CCDC83: variants seen among roughly 807,000 people sequenced by gnomAD.
CCDC83 encodes the protein coiled-coil domain containing 83, also known as coiled-coil domain-containing protein 83.
Under a neutral mutation model 50.1 loss-of-function variants are expected in CCDC83, and 54 were observed. That is an observed-to-expected ratio of 1.08 (90% CI 0.87 to 1.35). The LOEUF is 1.35. Among genes scored for constraint, CCDC83 ranks in the 40% most tolerant of loss-of-function variants. The pLI is 0.00. For synonymous variants in CCDC83, 161 were observed against 153.3 expected, an observed-to-expected ratio of 1.05 and a Z score of -0.37; for missense variants, 518 against 473.9, an observed-to-expected ratio of 1.09 and a Z score of -0.86.
At chr11:85,884,799 G>A (rs1008898070) in intron 4 of CCDC83, among the ~76,000 whole-genome samples, 2 of 152,188 alleles carry the variant, frequency 1.3e-5, no homozygotes, top group African/African-American at 4.8e-5. Context: ...GCCAAATGGG[G>A]CACTGGCCTG....
At chr11:85,893,509 C>A (rs372126074) in intron 5 of CCDC83, among the ~76,000 whole-genome samples, 2 of 152,172 alleles carry the variant, frequency 1.3e-5, no homozygotes, top group Non-Finnish European at 2.9e-5. Context: ...TGAAACAACG[C>A]CCTAAGTCAG....
chr11:85,877,370 G>C (rs1469690324), intron 3 of CCDC83, among the ~76,000 whole-genome samples: 1 of 152,162 alleles, frequency 6.6e-6, no homozygotes, highest in Non-Finnish European at 1.5e-5. Context: ...TACTCAGGGG[G>C]CTGAGGCAGG....
At chr11:85,878,416 A>G (rs2093280147) in intron 3 of CCDC83, among the ~76,000 whole-genome samples, 1 of 152,226 alleles carries the variant, frequency 6.6e-6, no homozygotes, top group African/African-American at 2.4e-5. Flanking sequence ...GGAATGTTAT[A>G]CAAATGGAAT....
intron 5 of CCDC83, 84 bp downstream of exon 5, chr11:85,886,451 C>T (rs796373789): frequency 2.7e-6 from 3 of 1,090,978 alleles, no homozygotes; most frequent in African/African-American, 3.2e-5. Flanking sequence ...AGTGCATACT[C>T]CCTGAATCAT....
At position 85,895,264 on chromosome 11, in the gene CCDC83, CTTTTTTTTTTTT is replaced by C. The variant is rs10594256; in HGVS notation, c.512-16_512-5del. The C allele has an allele frequency of 1.7e-5, 6 of 363,096 alleles. No individual in the cohort carries two copies. The highest frequency in any genetic ancestry group is 2.8e-5 in the Non-Finnish European group (6 of 213,268). 22.5% of individuals were successfully genotyped at this position (363,096 alleles called of 1,614,324 possible). On this transcript the variant is annotated splice_polypyrimidine_tract_variant and intron_variant, in intron 5 of 10. Transcript: ENST00000342404. ...CATGCTTGATAAGGCTTTTAATTTT[CTTTTTTTTTTTT>C]TTTTTTTTTTTTAAAGAACACTATA...
intron 7 of CCDC83, among the ~76,000 whole-genome samples, chr11:85,906,642 C>G (rs1312114585): frequency 4.6e-5 from 7 of 152,122 alleles, no homozygotes; most frequent in Non-Finnish European, 1.5e-5. Context: ...ACTTCGGGAG[C>G]CAAAGGCAGG....
At chr11:85,902,328 G>T (rs868774627) in intron 7 of CCDC83, among the ~76,000 whole-genome samples, 14 of 152,290 alleles carry the variant, frequency 9.2e-5, no homozygotes, top group African/African-American at 3.4e-4. Context: ...TTTCAGAAAT[G>T]CAAGGGCTCA....
At chr11:85,857,801 C>T (rs1052345830) in intron 1 of CCDC83, among the ~76,000 whole-genome samples, 1 of 152,110 alleles carries the variant, frequency 6.6e-6, no homozygotes, top group African/African-American at 2.4e-5. Context: ...CCCATGTCAT[C>T]ATCATCAAGA....
At chr11:85,877,591 G>C (rs2093276225) in intron 3 of CCDC83, among the ~76,000 whole-genome samples, 2 of 152,058 alleles carry the variant, frequency 1.3e-5, no homozygotes, top group South Asian at 4.1e-4. Context: ...ATTTTAAGAA[G>C]TATTGTGTCA....
intron 1 of CCDC83, among the ~76,000 whole-genome samples, chr11:85,858,625 G>A (rs538724626): frequency 1.3e-5 from 2 of 152,332 alleles, no homozygotes; most frequent in South Asian, 4.1e-4. Context: ...ACAGCCACAG[G>A]GAACTATGAA....
chr11:85,908,551 TTAGATAGATAGA>T (rs58433339), intron 7 of CCDC83, among the ~76,000 whole-genome samples: 3,074 of 137,490 alleles, frequency 0.022, 74 homozygotes, highest in Non-Finnish European at 0.023. Flanking sequence ...GACTAGATGA[TTAGATAGATAGA>T]TAGATAGATA....
At chr11:85,889,061 G>A (rs1357212418) in intron 5 of CCDC83, among the ~76,000 whole-genome samples, 1 of 152,190 alleles carries the variant, frequency 6.6e-6, no homozygotes, top group Non-Finnish European at 1.5e-5. Flanking sequence ...TCAGAAGTTT[G>A]GATGATTGGG....
chr11:85,861,950 A>C (rs2093178178), intron 1 of CCDC83, among the ~76,000 whole-genome samples: 1 of 149,172 alleles, frequency 6.7e-6, no homozygotes, highest in African/African-American at 2.5e-5. Flanking sequence ...AGAAGTTGGA[A>C]TGACCCTGCA....
At chr11:85,919,284 A>C in intron 10 of CCDC83, 65 bp from the exon 11 acceptor site, 2 of 1,436,070 alleles carry the variant, frequency 1.4e-6, no homozygotes, top group South Asian at 1.4e-5. Flanking sequence ...AAGAAAGCCT[A>C]ATCTATCAAG....
chr11:85,910,040 T>C (rs1184797064), intron 7 of CCDC83, among the ~76,000 whole-genome samples: 1 of 152,198 alleles, frequency 6.6e-6, no homozygotes, highest in African/African-American at 2.4e-5. Context: ...ACTAAAATGG[T>C]CATGCCTTTG....
At position 85,886,194 on chromosome 11, in the gene CCDC83, C is replaced by G; in HGVS notation, c.344-6C>G. 1.3e-6 allele frequency: 2 copies of G among 1,533,740 alleles called. No homozygotes were observed. The highest frequency in any genetic ancestry group is 1.8e-6 in the Non-Finnish European group (2 of 1,141,454). ...AGAAATGACACAGTGTCTTTATTTT[C>G]AACAGATATGCGCATGCAAATAAGT... is the stretch of plus-strand genomic sequence containing the variant. On this transcript the variant is annotated splice_region_variant and splice_polypyrimidine_tract_variant and intron_variant, in intron 4 of 10. Coordinates refer to ENST00000342404, the MANE Select transcript of CCDC83 (RefSeq NM_001286159.2).
At chr11:85,918,912 A>G (rs925890053) in intron 10 of CCDC83, among the ~76,000 whole-genome samples, 5 of 152,250 alleles carry the variant, frequency 3.3e-5, no homozygotes, top group South Asian at 4.1e-4. Flanking sequence ...TTATCTGTAC[A>G]TATCTGCTTA....
intron 2 of CCDC83, among the ~76,000 whole-genome samples, chr11:85,872,348 G>C (rs769855719): frequency 6.6e-6 from 1 of 152,146 alleles, no homozygotes; most frequent in Non-Finnish European, 1.5e-5. Flanking sequence ...AGCCGGGTGT[G>C]GGGGCAGGCG....
chr11:85,876,709 T>TGGCCAG (rs532203725), intron 3 of CCDC83, among the ~76,000 whole-genome samples: 3 of 152,238 alleles, frequency 2.0e-5, no homozygotes, highest in Non-Finnish European at 4.4e-5. Flanking sequence ...TTCACCGTGT[T>TGGCCAG]GGCCAGGCTG....
Sources: allele counts gnomAD v4.1 joint callset (sites outside exome capture counted in the v4.1 genomes callset), GRCh38; gene constraint gnomAD v4.1.1; transcripts MANE v1.5; gene names NCBI Gene and HGNC (gene_info 2026-07-23, HGNC 2026-07-21).